The following ASRGL1 variants were observed in gnomAD, a reference collection of about 807,000 sequenced individuals.
ASRGL1 encodes the protein isoaspartyl peptidase/L-asparaginase.
ASRGL1 carries 16 observed loss-of-function variants against 22.4 expected under a neutral mutation model. The observed-to-expected ratio is 0.71, with a 90% CI of 0.48 to 1.08. The LOEUF (loss-of-function observed/expected upper bound fraction) is 1.08. Among genes scored for constraint, ASRGL1 ranks in the 50% least tolerant of loss-of-function variants. ASRGL1 has a pLI of 0.00. For synonymous variants in ASRGL1, 165 were observed against 159.3 expected (o/e 1.04, Z -0.27); for missense variants, 412 against 410.1 (o/e 1.00, Z -0.04).
At chr11:62,371,631 C>A (rs1009579653) in intron 4 of ASRGL1, 1 of 651,744 alleles carries the variant, frequency 1.5e-6, no homozygotes, top group Non-Finnish European at 3.0e-6. Context: ...TGGGGGCAAC[C>A]AACTGGGACT....
intron 4 of ASRGL1, among the ~76,000 whole-genome samples, chr11:62,383,602 CAAAAAAAA>C (rs35096038): frequency 6.4e-4 from 14 of 21,900 alleles, no homozygotes; most frequent in African/African-American, 8.5e-4. Context: ...GACTCCTACT[CAAAAAAAA>C]AAAAAAAAAA....
intron 4 of ASRGL1, chr11:62,372,076 T>C: frequency 3.9e-6 from 3 of 764,146 alleles, no homozygotes; most frequent in South Asian, 2.8e-5. Flanking sequence ...CAGTGGTCTC[T>C]GGCTCCTGTG....
At chr11:62,363,993 C>A (rs765070194) in intron 4 of ASRGL1, among the ~76,000 whole-genome samples, 1 of 151,884 alleles carries the variant, frequency 6.6e-6, no homozygotes, top group East Asian at 1.9e-4. Flanking sequence ...CACGTCTCTA[C>A]TAAAAAATAC....
At chr11:62,349,274 A>G (rs1946112904) in intron 2 of ASRGL1, among the ~76,000 whole-genome samples, 1 of 152,078 alleles carries the variant, frequency 6.6e-6, no homozygotes, top group South Asian at 2.1e-4. Flanking sequence ...GCCTTGATGA[A>G]CTTTCATTCA....
chr11:62,389,420 T>C (rs770900909), intron 5 of ASRGL1, 169 bp downstream of exon 5: 2 of 732,316 alleles, frequency 2.7e-6, no homozygotes, highest in African/African-American at 1.7e-5. Flanking sequence ...TTGTTCGGGG[T>C]GCTGCCTTGA....
At chr11:62,394,248 T>C (rs1039668621), downstream of ASRGL1, among the ~76,000 whole-genome samples, 3 of 142,014 alleles carry the variant, frequency 2.1e-5, no homozygotes, top group Non-Finnish European at 4.6e-5. Context: ...ATATATAATT[T>C]GTTATATATT....
downstream of ASRGL1, among the ~76,000 whole-genome samples, chr11:62,395,962 CAG>C (rs1947428932): frequency 6.6e-6 from 1 of 151,376 alleles, no homozygotes; most frequent in Non-Finnish European, 1.5e-5. Context: ...TTAGTAGAGA[CAG>C]GGTTTCATCA....
downstream of ASRGL1, among the ~76,000 whole-genome samples, chr11:62,395,386 C>T (rs996235018): frequency 3.9e-5 from 6 of 152,202 alleles, no homozygotes; most frequent in Middle Eastern, 0.017. Flanking sequence ...AAGACGGGCC[C>T]TGAGCCAAGG....
chr11:62,377,575 G>T (rs937457324), intron 4 of ASRGL1, among the ~76,000 whole-genome samples: 1 of 152,042 alleles, frequency 6.6e-6, no homozygotes, highest in African/African-American at 2.4e-5. Flanking sequence ...TTCATGTCTC[G>T]TAATTTTAGG....
chr11:62,389,205 T>C lies in ASRGL1; in HGVS notation c.564T>C (p.Gly188=). 1 of 1,614,110 alleles carries C rather than the reference T, an allele frequency of 6.2e-7. No individual in the cohort carries two copies. The highest frequency in any genetic ancestry group is 2.2e-5 in the East Asian group (1 of 44,882). ...TAGCCTACGCAACCTCCACAGGCGG[T>C]ATCGTTAATAAAATGGTCGGCCGCG... is the stretch of plus-strand genomic sequence containing the variant. The part of the protein sequence containing the change: ...GNVAYATSTG[G]IVNKMVGRVG... The change falls in exon 5 of 7, where the codon GGT becomes GGC. Residue 188 remains glycine, a synonymous_variant. Transcript: ENST00000415229.
chr11:62,385,401 G>A (rs1320344319), intron 4 of ASRGL1, among the ~76,000 whole-genome samples: 2 of 151,774 alleles, frequency 1.3e-5, no homozygotes, highest in Admixed American at 6.6e-5. Flanking sequence ...TGAGCTCCTG[G>A]GCTCAAGTGA....
In ASRGL1 at chr11:62,350,931, A is replaced by G. The variant is rs529038263; in HGVS notation, c.191-5394A>G. On this transcript the variant is annotated intron_variant, in intron 2 of 6. Coordinates refer to ENST00000415229, the MANE Select transcript of ASRGL1 (RefSeq NM_001083926.2). ...TTGTATGTCTAGTGTTCTGTTTGTTATTTTTGCTTTCTTTTTCTTGCCTTC... is the reference window on the plus strand; with the variant it reads ...TTGTATGTCTAGTGTTCTGTTTGTTGTTTTTGCTTTCTTTTTCTTGCCTTC... Among the ~76,000 whole-genome samples, 15 of 152,040 alleles carry G rather than the reference A, an allele frequency of 9.9e-5. No individual in the cohort carries two copies. The South Asian group carries it at 3.1e-3, about 32-fold the overall frequency.
At chr11:62,366,628 A>C (rs1212607665) in intron 4 of ASRGL1, among the ~76,000 whole-genome samples, 3 of 151,120 alleles carry the variant, frequency 2.0e-5, no homozygotes, top group Non-Finnish European at 4.4e-5. Context: ...TTTTCCTTTG[A>C]ATTATTTTTT....
intron 4 of ASRGL1, among the ~76,000 whole-genome samples, chr11:62,363,093 C>T (rs1330988892): frequency 6.7e-6 from 1 of 150,144 alleles, no homozygotes; most frequent in African/African-American, 2.5e-5. Flanking sequence ...GCCACCACGC[C>T]CGGCTAATTT....
intron 2 of ASRGL1, among the ~76,000 whole-genome samples, chr11:62,347,139 T>A (rs1946047111): frequency 1.3e-5 from 2 of 152,158 alleles, no homozygotes; most frequent in African/African-American, 4.8e-5. Context: ...CTCCACAACC[T>A]GTATATCAGC....
At chr11:62,388,595 G>A (rs1022647152) in intron 4 of ASRGL1, among the ~76,000 whole-genome samples, 5 of 151,578 alleles carry the variant, frequency 3.3e-5, no homozygotes, top group South Asian at 2.1e-4. Context: ...ACTTGAACCC[G>A]GGAGGCAGAG....
rs1488194387 is a variant in ASRGL1 at position 62,357,069 on chromosome 11, T to C, written c.416T>C (p.Leu139Pro). ...MGVPEIPGEK[L>P]VTERNKKRLE... ...GTTCCAGAGATTCCTGGAGAAAAAC[T>C]GGTGACAGAGAGAAACAAAAAGCGC... The change falls in exon 4 of 7, where the codon CTG (leucine) becomes CCG (proline). Residue 139 changes from leucine (L) to proline (P), a missense_variant. Physicochemically the swap from Leu to Pro is moderately conservative, Grantham distance 98. Transcript: ENST00000415229. 2.5e-6 allele frequency: 4 copies of C among 1,613,968 alleles called. No individual in the cohort carries two copies. The highest frequency in any genetic ancestry group is 3.4e-6 in the Non-Finnish European group (4 of 1,180,028).
intron 2 of ASRGL1, among the ~76,000 whole-genome samples, chr11:62,338,734 G>C (rs367769716): frequency 2.8e-4 from 42 of 151,428 alleles, no homozygotes; most frequent in African/African-American, 9.2e-4. Flanking sequence ...TCAGGAGTTC[G>C]AGACCAGCCT....
At chr11:62,389,483 G>A (rs1947291516) in intron 5 of ASRGL1, 3 of 578,990 alleles carry the variant, frequency 5.2e-6, no homozygotes, top group Admixed American at 2.3e-5. Context: ...TGCCTTTTTG[G>A]AACAACTTGG....
Sources: allele counts gnomAD v4.1 joint callset (sites outside exome capture counted in the v4.1 genomes callset), GRCh38; gene constraint gnomAD v4.1.1; transcripts MANE v1.5; gene names NCBI Gene and HGNC (gene_info 2026-07-23, HGNC 2026-07-21).